The following CCDC90B variants were observed in gnomAD, a reference collection of about 807,000 sequenced individuals.
The protein encoded by CCDC90B is coiled-coil domain-containing protein 90B, mitochondrial.
Under a neutral mutation model 37.0 loss-of-function variants are expected in CCDC90B, and 24 were observed. That is an observed-to-expected ratio of 0.65 (90% confidence interval 0.47 to 0.91). The LOEUF (loss-of-function observed/expected upper bound fraction) is 0.91, where lower values mean the gene tolerates loss of function less well. CCDC90B is among the 40% of genes least tolerant of loss of function. The pLI is 0.00. For missense variants in CCDC90B, 319 were observed against 299.0 expected, an observed-to-expected ratio of 1.07 and a Z score of -0.49; for synonymous variants, 113 against 101.1, an observed-to-expected ratio of 1.12 and a Z score of -0.71.
intron 8 of CCDC90B, among the ~76,000 whole-genome samples, chr11:83,265,047 A>G (rs1864168781): frequency 1.3e-5 from 2 of 152,072 alleles, no homozygotes; most frequent in South Asian, 4.2e-4. Flanking sequence ...AGCATGGCAC[A>G]TGTATACATA....
intron 3 of CCDC90B, among the ~76,000 whole-genome samples, chr11:83,277,363 A>T (rs893626954): frequency 1.3e-5 from 2 of 152,206 alleles, no homozygotes; most frequent in Admixed American, 6.5e-5. Flanking sequence ...GTAGTCTGTT[A>T]TGATCCTAAA....
chr11:83,274,376 TTATA>T, intron 4 of CCDC90B: 1 of 271,062 alleles, frequency 3.7e-6, no homozygotes, highest in East Asian at 7.2e-5. Flanking sequence ...TATACAAATT[TTATA>T]TATATAGCTC....
At chr11:83,269,653 A>T (rs1275551813) in intron 7 of CCDC90B, among the ~76,000 whole-genome samples, 1 of 152,208 alleles carries the variant, frequency 6.6e-6, no homozygotes, top group Non-Finnish European at 1.5e-5. Flanking sequence ...TCTGAAATTG[A>T]GGCAGTAATT....
chr11:83,263,514 C>T (rs1864056181), intron 8 of CCDC90B, among the ~76,000 whole-genome samples: 1 of 152,216 alleles, frequency 6.6e-6, no homozygotes, highest in African/African-American at 2.4e-5. Context: ...ATTTTAAGCA[C>T]TCTGTAAACA....
chr11:83,283,887 G>C (rs1022218462), intron 1 of CCDC90B, among the ~76,000 whole-genome samples: 1 of 152,136 alleles, frequency 6.6e-6, no homozygotes, highest in Non-Finnish European at 1.5e-5. Flanking sequence ...ACCTGAGCCT[G>C]GGAGGCACAG....
rs903599753 is a variant in CCDC90B at position 83,285,557 on chromosome 11, C to A, written c.100+316G>T. The A allele has an allele frequency of 7.4e-6, 9 of 1,219,118 alleles. No individual in the cohort carries two copies. The African/African-American group carries it at 1.3e-4, about 17-fold the overall frequency. The allele number at this position is 1,219,118 out of a possible 1,614,324, so 75.5% of individuals were successfully genotyped here. ...ACACCCTCAAACACAGATTACCTTACGTTGGCTCCTGACGAGATTACTAGC... is the reference window on the plus strand; with the variant it reads ...ACACCCTCAAACACAGATTACCTTAAGTTGGCTCCTGACGAGATTACTAGC... On this transcript the variant is annotated intron_variant, in intron 1 of 8. Transcript: ENST00000529689.
chr11:83,265,756 G>A (rs1864220944), intron 8 of CCDC90B, 109 bp downstream of exon 8: 6 of 649,448 alleles, frequency 9.2e-6, no homozygotes, highest in South Asian at 7.9e-5. Flanking sequence ...CAATAAAGGA[G>A]CCTTGTTATC....
intron 7 of CCDC90B, among the ~76,000 whole-genome samples, chr11:83,266,327 G>T: frequency 6.6e-6 from 1 of 152,194 alleles, no homozygotes; most frequent in East Asian, 1.9e-4. Context: ...GAAGCGCAAG[G>T]GGTCAGCGGA....
chr11:83,271,249 G>C (rs1864641843), intron 7 of CCDC90B, among the ~76,000 whole-genome samples: 1 of 152,144 alleles, frequency 6.6e-6, no homozygotes, highest in Non-Finnish European at 1.5e-5. Context: ...AAAAGCAATG[G>C]CAACAAAAGC....
intron 7 of CCDC90B, 191 bp downstream of exon 7, chr11:83,273,456 T>C (rs1357957314): frequency 7.3e-6 from 3 of 410,604 alleles, no homozygotes; most frequent in African/African-American, 6.2e-5. Flanking sequence ...TTCAAGGTCA[T>C]GGCTCATGGG....
chr11:83,281,945 T>C (rs994986176), intron 1 of CCDC90B, among the ~76,000 whole-genome samples: 7 of 152,190 alleles, frequency 4.6e-5, no homozygotes, highest in Admixed American at 1.3e-4. Context: ...CCATCATAAA[T>C]TGAAAATATC....
intron 1 of CCDC90B, chr11:83,285,537 C>T: frequency 8.4e-7 from 1 of 1,184,960 alleles, no homozygotes; most frequent in Non-Finnish European, 1.1e-6. Context: ...ACAGGACACC[C>T]TCAAACACAG....
Position 83,280,271 on chromosome 11 carries a change from A to G in CCDC90B, c.101-11T>C. On this transcript the variant is annotated splice_polypyrimidine_tract_variant and intron_variant, in intron 1 of 8. Coordinates refer to ENST00000529689, the MANE Select transcript of CCDC90B (RefSeq NM_021825.5). ...TGGTAGTGAAGAACTCTGAAAGAGA[A>G]GACAATTTTTTTCTTTTGTAGTAAC... 6.2e-7 allele frequency: 1 copy of G among 1,608,810 alleles called. No homozygotes were observed. Among genetic ancestry groups the G allele is most frequent in the Non-Finnish European group, 8.5e-7 (1 of 1,178,320 alleles).
In CCDC90B at chr11:83,285,853, G is replaced by C. The variant is rs566252770; in HGVS notation, c.100+20C>G. On this transcript the variant is annotated intron_variant, in intron 1 of 8. Coordinates refer to ENST00000529689, the MANE Select transcript of CCDC90B (RefSeq NM_021825.5). ...CCCTAGAGAGCACTCAGGCATCTATGACACGACGCCTTGCCTCACCTCTCC... is the reference window on the plus strand; with the variant it reads ...CCCTAGAGAGCACTCAGGCATCTATCACACGACGCCTTGCCTCACCTCTCC... 17 of 1,603,908 alleles carry C rather than the reference G, an allele frequency of 1.1e-5. No individual in the cohort carries two copies. The highest frequency in any genetic ancestry group is 1.4e-5 in the Non-Finnish European group (17 of 1,176,938).
chr11:83,286,156 C>G lies in CCDC90B; in HGVS notation c.-184G>C. ...AAACTGGGTCTCTTCACAGACAGACCCACAGTTCGCGAGCATGGCTCAGCG... is the reference window on the plus strand; with the variant it reads ...AAACTGGGTCTCTTCACAGACAGACGCACAGTTCGCGAGCATGGCTCAGCG... On this transcript the variant is annotated 5_prime_UTR_variant, in exon 1 of 9. Transcript: ENST00000529689. 1 of 1,536,176 alleles carries G rather than the reference C, an allele frequency of 6.5e-7. No individual in the cohort carries two copies. The highest frequency in any genetic ancestry group is 8.7e-7 in the Non-Finnish European group (1 of 1,146,892).
At chr11:83,265,782 T>C (rs964898500) in intron 8 of CCDC90B, 83 bp downstream of exon 8, 2 of 817,594 alleles carry the variant, frequency 2.4e-6, no homozygotes, top group African/African-American at 1.7e-5. Flanking sequence ...CCTCCTTTTT[T>C]TCCTGTGCCT....
Position 83,265,872 on chromosome 11 carries a change from A to G in CCDC90B, c.702T>C (p.Tyr234=), listed in dbSNP as rs1864230893. 1 of 1,598,814 alleles carries G rather than the reference A, an allele frequency of 6.3e-7. No individual in the cohort carries two copies. The highest frequency in any genetic ancestry group is 8.6e-7 in the Non-Finnish European group (1 of 1,168,760). ...MESNKLETIR[Y]LAASVFTCLA... ...TTTCTCTGACAGTCTTACCTGCAAG[A>G]TAACGAATTGTCTCAAGTTTGTTAG... Residue 234 remains tyrosine, a synonymous_variant, in exon 8 of 9, where the codon TAT becomes TAC. Transcript: ENST00000529689.
intron 7 of CCDC90B, 103 bp from the exon 8 acceptor site, chr11:83,266,082 A>G (rs1591031238): frequency 1.6e-6 from 1 of 619,202 alleles, no homozygotes; most frequent in East Asian, 2.9e-5. Flanking sequence ...TTGTGATATA[A>G]AAGTCTTAGT....
At position 83,286,267 on chromosome 11, in the gene CCDC90B, G is replaced by A. The variant is rs1865688760; in HGVS notation, c.-295C>T. ...GCGAGATCTTGTCAGAGAACCTTCC[G>A]GCGCCTGTTTCCTGGCAGTGGGGCA... On this transcript the variant is annotated 5_prime_UTR_variant, in exon 1 of 9. Coordinates refer to ENST00000529689, the MANE Select transcript of CCDC90B (RefSeq NM_021825.5). 5 of 1,391,296 alleles carry A rather than the reference G, an allele frequency of 3.6e-6. No homozygotes were observed. The highest frequency in any genetic ancestry group is 2.4e-4 in the Middle Eastern group (1 of 4,126). The allele number at this position is 1,391,296 out of a possible 1,614,324, so 86.2% of individuals were successfully genotyped here.
Sources: gnomAD v4.1 joint callset for allele counts (sites outside exome capture counted in the v4.1 genomes callset) on GRCh38, gnomAD v4.1.1 for gene constraint, MANE v1.5 for transcripts, NCBI Gene and HGNC (gene_info 2026-07-23, HGNC 2026-07-21) for gene names.